RALGPS1: variants seen among roughly 807,000 people sequenced by gnomAD.
The protein encoded by RALGPS1 is Ral GEF with PH domain and SH3 binding motif 1.
In RALGPS1, 19 loss-of-function variants were observed where a neutral mutation model predicts 78.8. The observed-to-expected ratio is 0.24, with a 90% confidence interval of 0.17 to 0.35. RALGPS1 has a LOEUF of 0.35. RALGPS1 is among the 10% of genes least tolerant of loss of function. RALGPS1 has a pLI of 1.00. For missense variants in RALGPS1, 454 were observed against 688.3 expected, an observed-to-expected ratio of 0.66 and a Z score of 3.81; for synonymous variants, 228 against 256.3, an observed-to-expected ratio of 0.89 and a Z score of 1.06.
At chr9:127,060,918 A>T (rs2049156208) in intron 7 of RALGPS1, among the ~76,000 whole-genome samples, 5 of 152,096 alleles carry the variant, frequency 3.3e-5, no homozygotes, top group African/African-American at 4.8e-5. Context: ...CTTCAGTTTT[A>T]TGATAATAAT....
intron 11 of RALGPS1, chr9:127,178,169 G>A: frequency 1.8e-6 from 1 of 551,608 alleles, no homozygotes; most frequent in Non-Finnish European, 2.9e-6. Context: ...GGGGAAGCAG[G>A]AGCGAGCAGA....
At chr9:127,120,406 G>GC (rs1363041094) in intron 8 of RALGPS1, among the ~76,000 whole-genome samples, 5 of 152,122 alleles carry the variant, frequency 3.3e-5, no homozygotes. Flanking sequence ...CAGACATAAA[G>GC]CCCCCCTCTC....
chr9:126,967,978 C>T lies in RALGPS1; in HGVS notation c.165+2027C>T, dbSNP rs1015154257. On this transcript the variant is annotated intron_variant, in intron 3 of 18. Coordinates refer to ENST00000259351, the MANE Select transcript of RALGPS1 (RefSeq NM_014636.3). ...GCTCATAGTAGGTGCTCAAAACATA[C>T]GTATTGCCTGAAAGAGTTCAATTCT... 4.6e-5 allele frequency among the ~76,000 whole-genome samples: 7 copies of T among 151,610 alleles called. No homozygotes were observed. The East Asian group carries it at 7.7e-4, about 17-fold the overall frequency.
At chr9:127,017,086 C>T (rs1047528006) in intron 4 of RALGPS1, 15 of 152,264 alleles carry the variant, frequency 9.9e-5, no homozygotes, top group African/African-American at 3.6e-4. Context: ...GTTATATTTT[C>T]TATTGATTAC....
intron 5 of RALGPS1, among the ~76,000 whole-genome samples, chr9:127,044,406 G>A (rs1419401018): frequency 3.9e-5 from 6 of 151,938 alleles, no homozygotes; most frequent in Admixed American, 6.6e-5. Flanking sequence ...ACAGGCATAC[G>A]CCACCATACC....
intron 1 of RALGPS1, among the ~76,000 whole-genome samples, chr9:126,922,207 A>C (rs2034836393): frequency 6.6e-6 from 1 of 152,210 alleles, no homozygotes; most frequent in South Asian, 2.1e-4. Flanking sequence ...ATTGGTCTTT[A>C]ATATAAACTG....
intron 8 of RALGPS1, among the ~76,000 whole-genome samples, chr9:127,140,157 A>G (rs542019427): frequency 6.6e-6 from 1 of 151,600 alleles, no homozygotes; most frequent in African/African-American, 2.4e-5. Flanking sequence ...GTTAGGGCCA[A>G]CTCCTCTTCT....
chr9:127,200,933 G>A (rs768565835), intron 14 of RALGPS1, among the ~76,000 whole-genome samples: 14 of 152,334 alleles, frequency 9.2e-5, no homozygotes, highest in African/African-American at 3.4e-4. Flanking sequence ...TCTTTCACTC[G>A]CTTATTCCTT....
chr9:127,185,190 G>A (rs1195014149), intron 11 of RALGPS1, among the ~76,000 whole-genome samples: 1 of 152,084 alleles, frequency 6.6e-6, no homozygotes, highest in Non-Finnish European at 1.5e-5. Context: ...ACATCTGGTT[G>A]CTCTCCAACC....
intron 8 of RALGPS1, among the ~76,000 whole-genome samples, chr9:127,092,751 A>G (rs998943409): frequency 2.0e-5 from 3 of 152,098 alleles, no homozygotes; most frequent in Non-Finnish European, 2.9e-5. Flanking sequence ...ATTGCACTGT[A>G]TTGCCTCTAA....
At chr9:127,049,628 A>G (rs149681627) in intron 5 of RALGPS1, among the ~76,000 whole-genome samples, 27 of 152,224 alleles carry the variant, frequency 1.8e-4, no homozygotes, top group East Asian at 7.7e-4. Context: ...ACCAATATAC[A>G]TGTCCCTTTG....
chr9:127,118,418 A>T (rs1483269654), intron 8 of RALGPS1, among the ~76,000 whole-genome samples: 1 of 152,250 alleles, frequency 6.6e-6, no homozygotes, highest in African/African-American at 2.4e-5. Flanking sequence ...GGGGTGTTTT[A>T]TATAAATTCA....
At chr9:126,915,432 G>C (rs1246229874) in intron 1 of RALGPS1, 1 of 150,314 alleles carries the variant, frequency 6.7e-6, no homozygotes, top group Non-Finnish European at 1.5e-5. Context: ...CTGCAGCGGT[G>C]GGGGGCGGGG....
rs755024831 is a variant in RALGPS1 at position 127,212,249 on chromosome 9, C to A, written c.1353+13C>A. The A allele has an allele frequency of 1.3e-5, 20 of 1,589,450 alleles. No homozygotes were observed. The highest frequency in any genetic ancestry group is 1.7e-5 in the Admixed American group (1 of 57,406). ...GCGGAAGCCTGCGGTAAGTACAGAC[C>A]CACATCCACCGGGGCAGCAGGGGCT... On this transcript the variant is annotated intron_variant, in intron 15 of 18. Coordinates refer to ENST00000259351, the MANE Select transcript of RALGPS1 (RefSeq NM_014636.3). The surrounding 1 kb of genome is among the most constrained non-coding windows in gnomAD (Gnocchi z 6.0).
At chr9:127,128,075 A>G (rs1335325418) in intron 8 of RALGPS1, among the ~76,000 whole-genome samples, 1 of 124,698 alleles carries the variant, frequency 8.0e-6, no homozygotes. Flanking sequence ...TTCAGCTCCC[A>G]CTTATGAATG....
rs1174690882 is a variant in RALGPS1 at position 127,183,509 on chromosome 9, G to A, written c.910+8727G>A. Among the ~76,000 whole-genome samples, 1 of 152,136 alleles carries A rather than the reference G, an allele frequency of 6.6e-6. No homozygotes were observed. Among genetic ancestry groups the A allele is most frequent in the Admixed American group, 6.5e-5 (1 of 15,282 alleles). ...TACCTGTCCTCATTCTAACAGACCT[G>A]TGAGCACAACAGACCTGCCTGTGGC... is the stretch of plus-strand genomic sequence containing the variant. On this transcript the variant is annotated intron_variant, in intron 11 of 18. Coordinates refer to ENST00000259351, the MANE Select transcript of RALGPS1 (RefSeq NM_014636.3). This position sits in a 1 kb window ranked among gnomAD's most constrained non-coding sequence, Gnocchi z 4.0.
intron 8 of RALGPS1, among the ~76,000 whole-genome samples, chr9:127,148,849 A>T (rs1185881078): frequency 6.6e-6 from 1 of 152,192 alleles, no homozygotes; most frequent in Non-Finnish European, 1.5e-5. Flanking sequence ...CTGTGGATGG[A>T]ACAGAATGTG....
chr9:126,979,446 G>A (rs532632815), intron 4 of RALGPS1, among the ~76,000 whole-genome samples: 6 of 152,312 alleles, frequency 3.9e-5, no homozygotes, highest in African/African-American at 1.4e-4. Context: ...GAATAGGTGT[G>A]TGATGGTTGC....
At chr9:127,062,708 A>G (rs2135677860) in intron 7 of RALGPS1, among the ~76,000 whole-genome samples, 1 of 152,320 alleles carries the variant, frequency 6.6e-6, no homozygotes, top group East Asian at 1.9e-4. Flanking sequence ...CTGTCTGTAC[A>G]GGGTTTAAAA....
Sources: allele counts gnomAD v4.1 joint callset (sites outside exome capture counted in the v4.1 genomes callset), GRCh38; gene constraint gnomAD v4.1.1; non-coding constraint Gnocchi (gnomAD v3.1); transcripts MANE v1.5; gene names NCBI Gene and HGNC (gene_info 2026-07-23, HGNC 2026-07-21).